CACNA2D3: variants seen among roughly 807,000 people sequenced by gnomAD.
CACNA2D3 encodes the protein calcium voltage-gated channel auxiliary subunit alpha2delta 3, also known as voltage-dependent calcium channel subunit alpha-2/delta-3.
In CACNA2D3, 60 loss-of-function variants were observed where a neutral mutation model predicts 160.6. That is an observed-to-expected ratio of 0.37 (90% confidence interval 0.30 to 0.46). The LOEUF (loss-of-function observed/expected upper bound fraction) is 0.46. Ranked by LOEUF, CACNA2D3 falls within the 20% of genes least tolerant of loss-of-function variation. The pLI, the probability that CACNA2D3 is intolerant of heterozygous loss-of-function variation, is 1.00. For missense variants in CACNA2D3, 1,205 were observed against 1,365.0 expected (o/e 0.88, Z 1.85); for synonymous variants, 558 against 492.9 (o/e 1.13, Z -1.75).
chr3:54,437,605 C>T (rs898136414), intron 4 of CACNA2D3, among the ~76,000 whole-genome samples: 4 of 152,236 alleles, frequency 2.6e-5, no homozygotes, highest in Non-Finnish European at 5.9e-5. Context: ...GCCAGTCACT[C>T]CTCCTAGACC....
At chr3:54,654,577 G>A (rs2106870152) in intron 11 of CACNA2D3, among the ~76,000 whole-genome samples, 1 of 152,240 alleles carries the variant, frequency 6.6e-6, no homozygotes, top group East Asian at 1.9e-4. Flanking sequence ...GAAAGAAAGA[G>A]GTTACTAAAA....
At chr3:54,334,438 A>G (rs1704331540) in intron 3 of CACNA2D3, among the ~76,000 whole-genome samples, 1 of 152,208 alleles carries the variant, frequency 6.6e-6, no homozygotes, top group Non-Finnish European at 1.5e-5. Flanking sequence ...TTTGGAAGGG[A>G]GTGAACTGGG....
chr3:54,896,216 G>T (rs1179727281), intron 25 of CACNA2D3, among the ~76,000 whole-genome samples: 3 of 152,164 alleles, frequency 2.0e-5, no homozygotes, highest in Non-Finnish European at 4.4e-5. Context: ...GCATGAGCAG[G>T]CCTGTTTGTC....
intron 2 of CACNA2D3, among the ~76,000 whole-genome samples, chr3:54,253,754 C>A (rs1244532670): frequency 6.7e-6 from 1 of 148,770 alleles, no homozygotes; most frequent in African/African-American, 2.5e-5. Context: ...ACCCTCTAAT[C>A]CAAGGACTAT....
At chr3:54,706,728 G>A (rs914875182) in intron 11 of CACNA2D3, among the ~76,000 whole-genome samples, 5 of 152,202 alleles carry the variant, frequency 3.3e-5, no homozygotes, top group African/African-American at 9.6e-5. Context: ...CTCTCAGGGT[G>A]AGGAGCAGTG....
intron 14 of CACNA2D3, among the ~76,000 whole-genome samples, chr3:54,821,280 A>G (rs1461840431): frequency 6.6e-6 from 1 of 152,218 alleles, no homozygotes; most frequent in Non-Finnish European, 1.5e-5. Context: ...CAATTGATGC[A>G]TTCAGGGCTG....
chr3:54,467,601 T>G (rs1427129859), intron 4 of CACNA2D3, among the ~76,000 whole-genome samples: 2 of 152,192 alleles, frequency 1.3e-5, no homozygotes, highest in African/African-American at 2.4e-5. Context: ...TCTGGAGACA[T>G]TATATTGAGT....
intron 11 of CACNA2D3, among the ~76,000 whole-genome samples, chr3:54,714,494 A>G (rs893390729): frequency 2.0e-5 from 3 of 152,060 alleles, no homozygotes; most frequent in African/African-American, 7.2e-5. Context: ...GACTTGATAT[A>G]CCCCAAGACT....
At position 54,492,366 on chromosome 3, in the gene CACNA2D3, C is replaced by A. The variant is rs76007365; in HGVS notation, c.382-11126C>A. Among the ~76,000 whole-genome samples, 433 of 152,316 alleles carry A rather than the reference C, an allele frequency of 2.8e-3. 1 individual carries two copies. The highest frequency in any genetic ancestry group is 8.7e-3 in the South Asian group (42 of 4,824). ...TTCTGGAGTCATCTTTACCATACTA[C>A]TCTGGACCAGCTCCTCTGTCCAAAT... On this transcript the variant is annotated intron_variant, in intron 4 of 37. Transcript: ENST00000474759.
chr3:54,280,279 C>T (rs1008328754), intron 2 of CACNA2D3, among the ~76,000 whole-genome samples: 1 of 152,068 alleles, frequency 6.6e-6, no homozygotes, highest in Non-Finnish European at 1.5e-5. Context: ...GACGGGGTTT[C>T]ACCATGTTAG....
chr3:54,808,022 A>G (rs1191564357), intron 13 of CACNA2D3, among the ~76,000 whole-genome samples: 1 of 126,258 alleles, frequency 7.9e-6, no homozygotes, highest in Non-Finnish European at 1.6e-5. Flanking sequence ...ACATGGACAC[A>G]GGAAGGGGAA....
At chr3:54,865,511 A>G (rs983361063) in intron 17 of CACNA2D3, among the ~76,000 whole-genome samples, 7 of 152,192 alleles carry the variant, frequency 4.6e-5, no homozygotes, top group Non-Finnish European at 5.9e-5. Flanking sequence ...GTCTGTTGCA[A>G]CCAGAGGCCT....
At chr3:54,536,612 T>C (rs1701893396) in intron 5 of CACNA2D3, among the ~76,000 whole-genome samples, 1 of 152,210 alleles carries the variant, frequency 6.6e-6, no homozygotes, top group Non-Finnish European at 1.5e-5. Flanking sequence ...ACTTTGCTGC[T>C]GCTCTGTGAG....
At chr3:54,243,336 A>G (rs986850597) in intron 2 of CACNA2D3, among the ~76,000 whole-genome samples, 2 of 152,236 alleles carry the variant, frequency 1.3e-5, no homozygotes, top group South Asian at 2.1e-4. Context: ...CCTTGATTAT[A>G]TTTAGTGTGT....
At chr3:54,706,835 A>C (rs1700864668) in intron 11 of CACNA2D3, among the ~76,000 whole-genome samples, 1 of 152,168 alleles carries the variant, frequency 6.6e-6, no homozygotes, top group South Asian at 2.1e-4. Context: ...AATGGATTTC[A>C]TTTGGGGCCC....
chr3:54,164,937 C>T (rs1447526051), intron 2 of CACNA2D3, among the ~76,000 whole-genome samples: 1 of 152,150 alleles, frequency 6.6e-6, no homozygotes, highest in African/African-American at 2.4e-5. Context: ...AGCTCTTAAC[C>T]CAGGGCCTGG....
intron 11 of CACNA2D3, among the ~76,000 whole-genome samples, chr3:54,700,901 A>G (rs1217530875): frequency 6.6e-6 from 1 of 152,138 alleles, no homozygotes; most frequent in Non-Finnish European, 1.5e-5. Context: ...CCTAACACCA[A>G]TTCATTAGAC....
chr3:54,728,617 T>C (rs894419462), intron 11 of CACNA2D3, among the ~76,000 whole-genome samples: 3 of 152,206 alleles, frequency 2.0e-5, no homozygotes, highest in Non-Finnish European at 4.4e-5. Context: ...TGCCTGATGG[T>C]GTATATGAAA....
intron 27 of CACNA2D3, chr3:54,924,488 G>T: frequency 1.4e-6 from 1 of 707,642 alleles, no homozygotes; most frequent in Non-Finnish European, 2.4e-6. Context: ...ACCGTGAAAT[G>T]GCACCGATGT....
Sources: allele counts gnomAD v4.1 joint callset (sites outside exome capture counted in the v4.1 genomes callset), GRCh38; gene constraint gnomAD v4.1.1; transcripts MANE v1.5; gene names NCBI Gene and HGNC (gene_info 2026-07-23, HGNC 2026-07-21).